IQCB1: variants seen among roughly 807,000 people sequenced by gnomAD.
The protein encoded by IQCB1 is IQ calmodulin-binding motif-containing protein 1.
In IQCB1, 56 loss-of-function variants were observed where a neutral mutation model predicts 84.4. The ratio of observed to expected loss-of-function variants is 0.66; its 90% CI spans 0.54 to 0.83. The LOEUF (loss-of-function observed/expected upper bound fraction) is 0.83, where lower values mean the gene tolerates loss of function less well. IQCB1 is among the 40% of genes least tolerant of loss of function. The pLI is 0.00. For synonymous variants in IQCB1, 210 were observed against 234.8 expected, an observed-to-expected ratio of 0.89 and a Z score of 0.96; for missense variants, 629 against 682.1, an observed-to-expected ratio of 0.92 and a Z score of 0.87.
intron 5 of IQCB1, among the ~76,000 whole-genome samples, chr3:121,815,186 A>T (rs34241542): frequency 0.1 from 15,649 of 152,238 alleles, 857 homozygotes; most frequent in South Asian, 0.15. Context: ...AGATGCAGAA[A>T]AGGCCGCCAA....
At chr3:121,823,362 T>C (rs370249709) in intron 5 of IQCB1, among the ~76,000 whole-genome samples, 42 of 152,184 alleles carry the variant, frequency 2.8e-4, no homozygotes, top group African/African-American at 8.2e-4. Context: ...CCAAGCAAGA[T>C]AGACATCAGG....
intron 14 of IQCB1, among the ~76,000 whole-genome samples, chr3:121,771,025 G>A (rs1947958325): frequency 6.6e-6 from 1 of 152,130 alleles, no homozygotes; most frequent in Non-Finnish European, 1.5e-5. Flanking sequence ...AGGCTGGAAT[G>A]CCATGGCACG....
intron 8 of IQCB1, among the ~76,000 whole-genome samples, chr3:121,797,524 T>G (rs973199912): frequency 6.7e-6 from 1 of 150,242 alleles, no homozygotes; most frequent in Non-Finnish European, 1.5e-5. Context: ...GGAATCACTG[T>G]GGTAAATCAA....
intron 8 of IQCB1, among the ~76,000 whole-genome samples, 155 bp downstream of exon 8, chr3:121,799,039 TAA>T (rs1386285645): frequency 6.6e-6 from 1 of 151,820 alleles, no homozygotes; most frequent in Non-Finnish European, 1.5e-5. Context: ...CTTGATTATA[TAA>T]AGACTTTTTT....
intron 7 of IQCB1, among the ~76,000 whole-genome samples, chr3:121,802,600 A>G (rs191450651): frequency 1.2e-4 from 18 of 152,202 alleles, no homozygotes; most frequent in African/African-American, 3.6e-4. Flanking sequence ...AAAAACTTCA[A>G]TCTTCCCAAA....
At chr3:121,789,161 A>G (rs1432463160) in intron 11 of IQCB1, among the ~76,000 whole-genome samples, 1 of 152,216 alleles carries the variant, frequency 6.6e-6, no homozygotes. Flanking sequence ...AGCTGGATCC[A>G]ATAGGCAGTT....
At chr3:121,792,319 T>C (rs1197981204) in intron 10 of IQCB1, among the ~76,000 whole-genome samples, 1 of 151,962 alleles carries the variant, frequency 6.6e-6, no homozygotes, top group Non-Finnish European at 1.5e-5. Flanking sequence ...GAAAAGACTA[T>C]GGAGCATGAA....
chr3:121,770,656 C>T, intron 14 of IQCB1, 82 bp from the exon 15 acceptor site: 1 of 1,034,038 alleles, frequency 9.7e-7, no homozygotes, highest in Non-Finnish European at 1.5e-6. Flanking sequence ...AGAGCTGTAA[C>T]TCTGCAGGCA....
intron 5 of IQCB1, among the ~76,000 whole-genome samples, chr3:121,811,560 C>T (rs1476277601): frequency 6.6e-6 from 1 of 152,194 alleles, no homozygotes; most frequent in African/African-American, 2.4e-5. Context: ...AGTCGACCAA[C>T]CTGGGACAAC....
chr3:121,776,509 T>G (rs1948235419), intron 13 of IQCB1, among the ~76,000 whole-genome samples: 1 of 152,234 alleles, frequency 6.6e-6, no homozygotes, highest in Non-Finnish European at 1.5e-5. Context: ...CTTTGGCATG[T>G]TCCATTTTTA....
In IQCB1 at chr3:121,828,477, T is replaced by C. The variant is rs1393609336; in HGVS notation, c.256A>G (p.Ile86Val). 11 of 1,612,528 alleles carry C rather than the reference T, an allele frequency of 6.8e-6. No homozygotes were observed. The highest frequency in any genetic ancestry group is 2.7e-5 in the African/African-American group (2 of 74,880). The part of the protein sequence containing the change: ...GWTTISQLTQ[I>V]LSHCCVGLEP... ...CTTACTGCTTTATTTTACCTTAATA[T>C]CTGTGTAAGCTGGGAAATTGTAGTC... The change falls in exon 4 of 15, where the codon ATA becomes GTA. Residue 86 changes from isoleucine (I) to valine (V), a missense_variant. Ile to Val is a conservative substitution (Grantham distance 29, BLOSUM62 3). Transcript: ENST00000310864.
intron 5 of IQCB1, 38 bp from the exon 6 acceptor site, chr3:121,809,047 GT>G: frequency 8.8e-7 from 1 of 1,141,542 alleles, no homozygotes; most frequent in Non-Finnish European, 1.3e-6. Context: ...CTTTTCTATA[GT>G]TTTTTTCCTT....
At chr3:121,795,933 T>C (rs567972292) in intron 9 of IQCB1, among the ~76,000 whole-genome samples, 1 of 152,254 alleles carries the variant, frequency 6.6e-6, no homozygotes, top group Non-Finnish European at 1.5e-5. Flanking sequence ...TTGACCATTG[T>C]GGATGGTTGC....
chr3:121,797,577 A>C lies in IQCB1; in HGVS notation c.767-350T>G, dbSNP rs1183689919. ...TTTTTATTTGAACAAAAATACTTAA[A>C]TGGAGACATTTTAAAGATAAATTAC... On this transcript the variant is annotated intron_variant, in intron 8 of 14. Transcript: ENST00000310864. 2.6e-5 allele frequency among the ~76,000 whole-genome samples: 4 copies of C among 152,058 alleles called. No individual in the cohort carries two copies. The East Asian group carries it at 7.7e-4, about 29-fold the overall frequency.
chr3:121,774,582 G>A (rs1306947077), intron 13 of IQCB1, among the ~76,000 whole-genome samples: 1 of 152,176 alleles, frequency 6.6e-6, no homozygotes, highest in East Asian at 1.9e-4. Flanking sequence ...ATATTATTCA[G>A]CCTTTAAAAG....
intron 8 of IQCB1, among the ~76,000 whole-genome samples, chr3:121,797,844 G>T (rs1447062077): frequency 2.0e-5 from 3 of 151,756 alleles, no homozygotes; most frequent in Non-Finnish European, 4.4e-5. Context: ...CTGTTTCCAG[G>T]GTACACTGAA....
Position 121,808,965 on chromosome 3 carries a change from A to G in IQCB1, c.438T>C (p.Thr146=), listed in dbSNP as rs773219563. 1 of 1,611,176 alleles carries G rather than the reference A, an allele frequency of 6.2e-7. No individual in the cohort carries two copies. Among genetic ancestry groups the G allele is most frequent in the South Asian group, 1.1e-5 (1 of 90,984 alleles). ...CTCCCAAAAGCCAGAAGAGAGAATC[A>G]GTCACAATTTGGAAAAAGTGTAGTA... ...DELLHFFQIV[T]DSLFWLLGGH... The change falls in exon 6 of 15, where the codon ACT becomes ACC. Residue 146 remains threonine, a synonymous_variant. Transcript: ENST00000310864.
At chr3:121,778,970 G>C (rs899776980) in intron 13 of IQCB1, among the ~76,000 whole-genome samples, 1 of 150,776 alleles carries the variant, frequency 6.6e-6, no homozygotes, top group South Asian at 2.1e-4. Context: ...TTGTCTTTAC[G>C]TAACATTTAA....
chr3:121,833,604 G>A (rs1159217158), intron 2 of IQCB1, among the ~76,000 whole-genome samples: 1 of 151,818 alleles, frequency 6.6e-6, no homozygotes. Context: ...GTTCTGGTTG[G>A]GAAAGAAAAG....
Sources: allele counts gnomAD v4.1 joint callset (sites outside exome capture counted in the v4.1 genomes callset), GRCh38; gene constraint gnomAD v4.1.1; transcripts MANE v1.5; gene names NCBI Gene and HGNC (gene_info 2026-07-23, HGNC 2026-07-21).